The following ADK variants were observed in gnomAD, a reference collection of about 807,000 sequenced individuals.
The protein encoded by ADK is N6,N6-dimethyladenosine kinase.
ADK carries 24 observed loss-of-function variants against 44.7 expected under a neutral mutation model. The observed-to-expected ratio is 0.54, with a 90% confidence interval of 0.39 to 0.76. ADK has a LOEUF of 0.76. Among genes scored for constraint, ADK ranks in the 30% least tolerant of loss-of-function variants. The pLI is 0.00. For synonymous variants in ADK, 128 were observed against 142.6 expected (o/e 0.90, Z 0.73); for missense variants, 321 against 425.1 (o/e 0.76, Z 2.15).
chr10:74,310,303 C>T (rs1592026986), intron 3 of ADK, among the ~76,000 whole-genome samples: 1 of 152,246 alleles, frequency 6.6e-6, no homozygotes, highest in African/African-American at 2.4e-5. Context: ...ACTCTTTCAT[C>T]CTTAAACACC....
chr10:74,444,553 G>C (rs1845529872), intron 6 of ADK, among the ~76,000 whole-genome samples: 1 of 152,012 alleles, frequency 6.6e-6, no homozygotes, highest in Admixed American at 6.6e-5. Context: ...AGTAAACATG[G>C]ATAGACACTA....
At chr10:74,471,161 G>A (rs1026926745) in intron 6 of ADK, among the ~76,000 whole-genome samples, 8 of 150,546 alleles carry the variant, frequency 5.3e-5, no homozygotes, top group African/African-American at 1.2e-4. Context: ...TGCAAGCTCC[G>A]CCTCCCAGGT....
chr10:74,601,857 T>G (rs563035768), intron 9 of ADK, among the ~76,000 whole-genome samples: 35 of 149,462 alleles, frequency 2.3e-4, no homozygotes, highest in African/African-American at 7.9e-4. Flanking sequence ...CCTTGGGAAG[T>G]CAAGGTGGGA....
At chr10:74,583,684 C>T (rs1260354846) in intron 7 of ADK, among the ~76,000 whole-genome samples, 1 of 152,150 alleles carries the variant, frequency 6.6e-6, no homozygotes, top group African/African-American at 2.4e-5. Context: ...TGCACCTGGC[C>T]ACTTTGAAGT....
intron 7 of ADK, among the ~76,000 whole-genome samples, chr10:74,586,186 A>G (rs928475704): frequency 1.3e-5 from 2 of 152,222 alleles, no homozygotes; most frequent in African/African-American, 4.8e-5. Context: ...AGCTGTGGGA[A>G]AGTCTGCAGT....
At chr10:74,684,041 G>A (rs751577326) in intron 10 of ADK, among the ~76,000 whole-genome samples, 1 of 152,232 alleles carries the variant, frequency 6.6e-6, no homozygotes, top group East Asian at 1.9e-4. Flanking sequence ...GGAAGAAGCC[G>A]GTTCTTAGCA....
At chr10:74,594,672 A>T (rs560638029) in intron 8 of ADK, among the ~76,000 whole-genome samples, 268 of 73,870 alleles carry the variant, frequency 3.6e-3, no homozygotes, top group African/African-American at 0.022. Context: ...ACAAATAGGT[A>T]AAAAAAAAAA....
At chr10:74,163,247 C>T (rs572672423) in intron 1 of ADK, among the ~76,000 whole-genome samples, 7 of 152,018 alleles carry the variant, frequency 4.6e-5, no homozygotes, top group Admixed American at 2.6e-4. Context: ...ATTACAGGCG[C>T]GAGCCACTGT....
At chr10:74,358,286 A>G (rs956118) in intron 4 of ADK, among the ~76,000 whole-genome samples, 1 of 152,196 alleles carries the variant, frequency 6.6e-6, no homozygotes, top group Admixed American at 6.5e-5. Flanking sequence ...TTAACTTTGT[A>G]AGTTAACCTT....
intron 4 of ADK, among the ~76,000 whole-genome samples, chr10:74,381,549 G>A (rs893585797): frequency 1.3e-5 from 2 of 152,198 alleles, no homozygotes; most frequent in Non-Finnish European, 2.9e-5. Flanking sequence ...AAGCACAGAC[G>A]ATTGTGTGTA....
chr10:74,307,020 T>C (rs1034702147), intron 3 of ADK, among the ~76,000 whole-genome samples: 1 of 152,158 alleles, frequency 6.6e-6, no homozygotes, highest in African/African-American at 2.4e-5. Context: ...TATTGCCCCC[T>C]TCCTTATCAT....
intron 7 of ADK, among the ~76,000 whole-genome samples, chr10:74,546,667 A>C (rs905847840): frequency 6.6e-6 from 1 of 152,092 alleles, no homozygotes; most frequent in African/African-American, 2.4e-5. Flanking sequence ...GGAAAAACTT[A>C]TTTGATATTC....
At chr10:74,632,547 A>AT (rs1365547945) in intron 9 of ADK, among the ~76,000 whole-genome samples, 1 of 152,172 alleles carries the variant, frequency 6.6e-6, no homozygotes. Flanking sequence ...TTGTAGCTAT[A>AT]TCACTTCAGT....
intron 9 of ADK, among the ~76,000 whole-genome samples, chr10:74,652,198 C>A (rs1421297386): frequency 6.6e-6 from 1 of 151,784 alleles, no homozygotes; most frequent in Admixed American, 6.6e-5. Context: ...CCCACCACCA[C>A]GCCCAACTAA....
chr10:74,309,100 T>C (rs1453448167), intron 3 of ADK, among the ~76,000 whole-genome samples: 1 of 152,236 alleles, frequency 6.6e-6, no homozygotes, highest in Admixed American at 6.6e-5. Context: ...TATTTTTTCG[T>C]GTTAGATAAG....
chr10:74,566,429 T>A (rs1173665332), intron 7 of ADK, among the ~76,000 whole-genome samples: 1 of 152,086 alleles, frequency 6.6e-6, no homozygotes, highest in African/African-American at 2.4e-5. Flanking sequence ...GGTCTTGCAC[T>A]CATGGGCTCA....
At chr10:74,702,575 T>TTC in intron 10 of ADK, among the ~76,000 whole-genome samples, 1 of 51,880 alleles carries the variant, frequency 1.9e-5, no homozygotes, top group Non-Finnish European at 4.4e-5. Flanking sequence ...TTCCTTCCTC[T>TTC]CTCTCTCTCT....
At chr10:74,705,130 A>G (rs186342251) in intron 10 of ADK, among the ~76,000 whole-genome samples, 41 of 152,312 alleles carry the variant, frequency 2.7e-4, no homozygotes, top group Admixed American at 1.3e-3. Context: ...GAGGACATAA[A>G]TCACTTATAA....
intron 1 of ADK, among the ~76,000 whole-genome samples, chr10:74,178,689 C>T (rs980077102): frequency 2.0e-5 from 3 of 152,090 alleles, no homozygotes; most frequent in African/African-American, 7.2e-5. Flanking sequence ...TTGACACCAG[C>T]CTTACTTGAC....
Sources: gnomAD v4.1 joint callset for allele counts (sites outside exome capture counted in the v4.1 genomes callset) on GRCh38, gnomAD v4.1.1 for gene constraint, MANE v1.5 for transcripts, NCBI Gene and HGNC (gene_info 2026-07-23, HGNC 2026-07-21) for gene names.